Variants in RABGAP1L observed in about 807,000 individuals in gnomAD.
RABGAP1L encodes the protein rab GTPase-activating protein 1-like.
A neutral mutation model predicts 137.7 loss-of-function variants in RABGAP1L; 63 were observed. The ratio of observed to expected loss-of-function variants is 0.46; its 90% CI spans 0.37 to 0.56. RABGAP1L has a LOEUF of 0.56. RABGAP1L is among the 20% of genes least tolerant of loss of function. RABGAP1L has a pLI of 0.00. For synonymous variants in RABGAP1L, 431 were observed against 433.7 expected (o/e 0.99, Z 0.08); for missense variants, 1,095 against 1,244.0 (o/e 0.88, Z 1.80).
chr1:174,562,614 A>G (rs1667295918), intron 13 of RABGAP1L, among the ~76,000 whole-genome samples: 1 of 152,244 alleles, frequency 6.6e-6, no homozygotes, highest in Non-Finnish European at 1.5e-5. Context: ...CCAAATGTCC[A>G]TCAGTGATAG....
intron 13 of RABGAP1L, among the ~76,000 whole-genome samples, chr1:174,607,684 A>G (rs1274286012): frequency 3.3e-5 from 5 of 152,198 alleles, no homozygotes; most frequent in Non-Finnish European, 7.3e-5. Context: ...ATTGAATACA[A>G]TATCACAGCC....
At chr1:174,876,209 A>G (rs1172415572) in intron 19 of RABGAP1L, among the ~76,000 whole-genome samples, 1 of 152,222 alleles carries the variant, frequency 6.6e-6, no homozygotes, top group East Asian at 1.9e-4. Flanking sequence ...AATTTAGGTA[A>G]CATAATCCTG....
chr1:174,904,275 G>A (rs1363063920), intron 19 of RABGAP1L, among the ~76,000 whole-genome samples: 3 of 152,092 alleles, frequency 2.0e-5, no homozygotes, highest in Non-Finnish European at 2.9e-5. Flanking sequence ...GGTGGCTAAG[G>A]TGAGAGGATC....
chr1:174,688,867 A>G (rs923411109), intron 15 of RABGAP1L, among the ~76,000 whole-genome samples: 1 of 152,152 alleles, frequency 6.6e-6, no homozygotes, highest in African/African-American at 2.4e-5. Flanking sequence ...CATTCTGCAT[A>G]AAGTTCAATA....
intron 11 of RABGAP1L, among the ~76,000 whole-genome samples, chr1:174,324,044 C>T (rs189245501): frequency 1.3e-5 from 2 of 152,122 alleles, no homozygotes; most frequent in East Asian, 1.9e-4. Context: ...ACAGTTTTGG[C>T]GTGTTATTAA....
At chr1:174,642,775 C>T (rs1182952196) in intron 14 of RABGAP1L, among the ~76,000 whole-genome samples, 3 of 131,984 alleles carry the variant, frequency 2.3e-5, no homozygotes, top group Non-Finnish European at 4.7e-5. Context: ...CTCCCTCTCC[C>T]CCTCTCCTCT....
chr1:174,608,156 T>TGC (rs1670924580), intron 13 of RABGAP1L, among the ~76,000 whole-genome samples: 1 of 152,208 alleles, frequency 6.6e-6, no homozygotes, highest in Non-Finnish European at 1.5e-5. Flanking sequence ...CTTTCATATG[T>TGC]GCCTAAGTGT....
chr1:174,812,022 T>C, intron 19 of RABGAP1L, 62 bp downstream of exon 19: 1 of 1,426,510 alleles, frequency 7.0e-7, no homozygotes, highest in Non-Finnish European at 9.3e-7. Context: ...TATGACAAAT[T>C]ATGTAAAAAT....
intron 10 of RABGAP1L, among the ~76,000 whole-genome samples, chr1:174,295,605 C>G (rs561096779): frequency 9.9e-5 from 15 of 151,508 alleles, no homozygotes; most frequent in African/African-American, 3.4e-4. Context: ...AGGCTGGTCT[C>G]AAACTCCTGA....
chr1:174,742,192 A>AGG (rs1390479140), intron 17 of RABGAP1L, among the ~76,000 whole-genome samples: 8 of 25,850 alleles, frequency 3.1e-4, no homozygotes, highest in Non-Finnish European at 4.6e-4. Context: ...GAAGAGGAGG[A>AGG]GGGGGAGGGG....
chr1:174,619,938 A>G (rs1161845791), intron 13 of RABGAP1L, among the ~76,000 whole-genome samples: 1 of 152,198 alleles, frequency 6.6e-6, no homozygotes, highest in Non-Finnish European at 1.5e-5. Context: ...TAAGGGACGG[A>G]GGAAGATCTA....
chr1:174,240,119 CT>C (rs1671669334), intron 4 of RABGAP1L, among the ~76,000 whole-genome samples: 1 of 152,220 alleles, frequency 6.6e-6, no homozygotes, highest in Admixed American at 6.5e-5. Context: ...AGTGTTTTGA[CT>C]TGCCTCTTTA....
intron 17 of RABGAP1L, among the ~76,000 whole-genome samples, chr1:174,713,855 C>G (rs1261329022): frequency 2.6e-5 from 4 of 152,324 alleles, no homozygotes; most frequent in South Asian, 4.1e-4. Context: ...GCATTATCTC[C>G]TATTCAGTAA....
chr1:174,367,652 G>C, intron 11 of RABGAP1L: 1 of 256,450 alleles, frequency 3.9e-6, no homozygotes. Context: ...TTTTAACACT[G>C]GAAAATAGTG....
In RABGAP1L at chr1:174,721,932, C is replaced by A. The variant is rs183979833; in HGVS notation, c.2169+19676C>A. On this transcript the variant is annotated intron_variant, in intron 17 of 25. Transcript: ENST00000681986. ...TAAAGAGAAAGTAGGATTTGATACT[C>A]AATTTTTTTGTTGTTGTTGAGACGG... Among the ~76,000 whole-genome samples the A allele has an allele frequency of 2.6e-5, 4 of 152,222 alleles. No homozygotes were observed. In the East Asian group the frequency reaches 7.7e-4, roughly 29 times the overall value.
chr1:174,622,625 G>A (rs968382176), intron 13 of RABGAP1L, among the ~76,000 whole-genome samples: 34 of 152,158 alleles, frequency 2.2e-4, no homozygotes, highest in African/African-American at 7.5e-4. Flanking sequence ...AACACCGCAT[G>A]TTCTCACTCA....
chr1:174,321,564 C>A (rs1357728145), intron 11 of RABGAP1L, among the ~76,000 whole-genome samples: 1 of 152,100 alleles, frequency 6.6e-6, no homozygotes, highest in Admixed American at 6.6e-5. Flanking sequence ...TAGAAAAGAA[C>A]CTACATTGAA....
rs191562142 is a variant in RABGAP1L at position 174,726,630 on chromosome 1, A to G, written c.2169+24374A>G. On this transcript the variant is annotated intron_variant, in intron 17 of 25. Transcript: ENST00000681986. ...ATTATAAGGCTAGTTAGAAAATTTAAGTCATTTTCTAAGAGATAGAAATTT... is the reference window on the plus strand; with the variant it reads ...ATTATAAGGCTAGTTAGAAAATTTAGGTCATTTTCTAAGAGATAGAAATTT... Among the ~76,000 whole-genome samples the G allele has an allele frequency of 3.3e-5, 5 of 152,246 alleles. No individual in the cohort carries two copies. The East Asian group carries it at 9.6e-4, about 29-fold the overall frequency.
intron 4 of RABGAP1L, among the ~76,000 whole-genome samples, chr1:174,238,617 C>G (rs1429017865): frequency 6.6e-6 from 1 of 150,892 alleles, no homozygotes; most frequent in Non-Finnish European, 1.5e-5. Context: ...AGGAGGCAGT[C>G]TGCCCGTTCT....
Sources: gnomAD v4.1 joint callset for allele counts (sites outside exome capture counted in the v4.1 genomes callset) on GRCh38, gnomAD v4.1.1 for gene constraint, MANE v1.5 for transcripts, NCBI Gene and HGNC (gene_info 2026-07-23, HGNC 2026-07-21) for gene names.